Variants in TMEM156 observed in about 807,000 individuals in gnomAD.
TMEM156 encodes transmembrane protein 156.
In TMEM156, 28 loss-of-function variants were observed where a neutral mutation model predicts 30.5. The ratio of observed to expected loss-of-function variants is 0.92; its 90% confidence interval spans 0.68 to 1.26. The LOEUF (loss-of-function observed/expected upper bound fraction) is 1.26, where lower values mean the gene tolerates loss of function less well. Ranked by LOEUF, TMEM156 falls within the 50% of genes most tolerant of loss-of-function variation. TMEM156 has a pLI of 0.00. For missense variants in TMEM156, 351 were observed against 340.6 expected, an observed-to-expected ratio of 1.03 and a Z score of -0.24; for synonymous variants, 137 against 119.9, an observed-to-expected ratio of 1.14 and a Z score of -0.93.
chr4:38,993,770 T>G lies in TMEM156; in HGVS notation c.587A>C (p.His196Pro), dbSNP rs775779853. ...RIMEYPNDCI[H>P]ISLHLEMDIK... ...ATCCATCTCTAGGTGCAAAGAAATG[T>G]GTATACAATCATTCGGGTATTCCAT... Residue 196 changes from histidine (H) to proline (P), a missense_variant, in exon 3 of 7, where the codon CAC becomes CCC. Transcript: ENST00000381938. 64 of 1,613,288 alleles carry G rather than the reference T, an allele frequency of 4.0e-5. No homozygotes were observed. The highest frequency in any genetic ancestry group is 5.3e-5 in the Non-Finnish European group (62 of 1,179,378).
chr4:38,990,364 G>A (rs760105008), intron 3 of TMEM156, among the ~76,000 whole-genome samples: 2 of 152,142 alleles, frequency 1.3e-5, no homozygotes, highest in Non-Finnish European at 2.9e-5. Context: ...ACTATTCCAC[G>A]CTCTTCAGCT....
At chr4:39,003,403 C>T (rs1357844177) in intron 1 of TMEM156, among the ~76,000 whole-genome samples, 4 of 151,996 alleles carry the variant, frequency 2.6e-5, no homozygotes, top group Non-Finnish European at 5.9e-5. Context: ...GGCATGATCT[C>T]GGCTCACTGC....
At chr4:38,978,521 C>T (rs13149047) in intron 5 of TMEM156, among the ~76,000 whole-genome samples, 26,487 of 152,032 alleles carry the variant, frequency 0.17, 3,733 homozygotes, top group East Asian at 0.36. Flanking sequence ...TGCCTCATTT[C>T]GCTCAGCAAC....
At chr4:39,012,613 C>A (rs947607843) in intron 1 of TMEM156, among the ~76,000 whole-genome samples, 1 of 152,166 alleles carries the variant, frequency 6.6e-6, no homozygotes. Context: ...CGAGACCAGC[C>A]TGGCCAACAT....
At chr4:39,009,649 T>C (rs936833865) in intron 1 of TMEM156, among the ~76,000 whole-genome samples, 4 of 152,052 alleles carry the variant, frequency 2.6e-5, no homozygotes, top group Non-Finnish European at 5.9e-5. Flanking sequence ...ACAAAAACCG[T>C]ATGATCATCT....
rs183231709 is a variant in TMEM156, at chr4:39,015,346, T to C, written c.89-16437A>G. ...AAAATGAAGAAATTATCCTGGATTA[T>C]CTGGGTGGATCCAGTGTAATCATGA... On this transcript the variant is annotated intron_variant, in intron 1 of 6. Coordinates refer to ENST00000381938, the MANE Select transcript of TMEM156 (RefSeq NM_024943.3). Among the ~76,000 whole-genome samples, 1,332 of 152,364 alleles carry C rather than the reference T, an allele frequency of 8.7e-3. 14 individuals carry two copies. Among genetic ancestry groups the C allele is most frequent in the Non-Finnish European group, 0.015 (1,036 of 68,028 alleles).
At chr4:38,967,713 T>C (rs1722411303) in intron 6 of TMEM156, 72 bp from the exon 7 acceptor site, 1 of 152,244 alleles carries the variant, frequency 6.6e-6, no homozygotes, top group African/African-American at 2.4e-5. Flanking sequence ...TGAATTAGAA[T>C]GGGCAGAAAA....
At chr4:38,985,139 C>T (rs1248909063) in intron 5 of TMEM156, among the ~76,000 whole-genome samples, 1 of 152,158 alleles carries the variant, frequency 6.6e-6, no homozygotes, top group Non-Finnish European at 1.5e-5. Context: ...GACACATGTA[C>T]TGAGTAAGAG....
intron 5 of TMEM156, 28 bp from the exon 6 acceptor site, chr4:38,971,165 C>T: frequency 6.2e-7 from 1 of 1,605,816 alleles, no homozygotes; most frequent in South Asian, 1.1e-5. Flanking sequence ...CTGTTTTAGT[C>T]TATATGTAGT....
intron 5 of TMEM156, among the ~76,000 whole-genome samples, chr4:38,984,412 A>T (rs574707997): frequency 6.6e-6 from 1 of 150,776 alleles, no homozygotes; most frequent in South Asian, 2.1e-4. Flanking sequence ...TAAATGCATG[A>T]ACAAATGGAG....
intron 1 of TMEM156, among the ~76,000 whole-genome samples, chr4:39,011,807 C>T (rs960218548): frequency 2.6e-5 from 4 of 151,880 alleles, no homozygotes; most frequent in East Asian, 1.9e-4. Context: ...AAATATGGTA[C>T]GTATACACCA....
chr4:39,011,277 G>A (rs66739584), intron 1 of TMEM156, among the ~76,000 whole-genome samples: 14,110 of 152,194 alleles, frequency 0.093, 756 homozygotes, highest in Admixed American at 0.16. Context: ...GCAAAGAAAA[G>A]GAAGTTTATA....
At chr4:38,974,492 T>C (rs1447023479) in intron 5 of TMEM156, among the ~76,000 whole-genome samples, 8 of 152,182 alleles carry the variant, frequency 5.3e-5, no homozygotes, top group Non-Finnish European at 8.8e-5. Context: ...AATACCTATG[T>C]CTTAGAGATT....
At chr4:39,016,111 C>T (rs1487089377) in intron 1 of TMEM156, among the ~76,000 whole-genome samples, 3 of 152,114 alleles carry the variant, frequency 2.0e-5, no homozygotes, top group African/African-American at 7.2e-5. Context: ...TGTGGTGGCT[C>T]ACGCCTGTAA....
intron 3 of TMEM156, among the ~76,000 whole-genome samples, chr4:38,993,074 TAAAAG>T (rs989360523): frequency 6.6e-6 from 1 of 151,804 alleles, no homozygotes; most frequent in Non-Finnish European, 1.5e-5. Context: ...ATTCATATTT[TAAAAG>T]AAATGCCTCC....
rs114192061 is a variant in TMEM156 at position 38,994,852 on chromosome 4, C to G, written c.359-854G>C. ...AGGTGTAGCTACTTGGCAGGAGACT[C>G]GTTTGAACCTGGGAGGCAGACGTTG... On this transcript the variant is annotated intron_variant, in intron 2 of 6. Coordinates refer to ENST00000381938, the MANE Select transcript of TMEM156 (RefSeq NM_024943.3). 8.2e-3 allele frequency among the ~76,000 whole-genome samples: 1,246 copies of G among 151,964 alleles called. 26 individuals carry two copies. The highest frequency in any genetic ancestry group is 0.027 in the African/African-American group (1,135 of 41,440).
At chr4:38,978,844 A>G (rs2109883390) in intron 5 of TMEM156, among the ~76,000 whole-genome samples, 1 of 152,196 alleles carries the variant, frequency 6.6e-6, no homozygotes, top group East Asian at 1.9e-4. Flanking sequence ...GTGCAGAGGC[A>G]CAATCACATC....
At chr4:38,978,325 T>C (rs979628498) in intron 5 of TMEM156, among the ~76,000 whole-genome samples, 1 of 152,244 alleles carries the variant, frequency 6.6e-6, no homozygotes, top group Non-Finnish European at 1.5e-5. Flanking sequence ...TCTGTCCCTC[T>C]GTGCCCTCCA....
Position 38,998,722 on chromosome 4 carries a change from A to C in TMEM156, c.276T>G (p.Gly92=). The C allele has an allele frequency of 6.2e-7, 1 of 1,613,836 alleles. No individual in the cohort carries two copies. The highest frequency in any genetic ancestry group is 8.5e-7 in the Non-Finnish European group (1 of 1,179,926). The change falls in exon 2 of 7, where the codon GGT becomes GGG. Residue 92 remains glycine (G), a synonymous_variant. Transcript: ENST00000381938. ...NFTRTCQDIT[G]EFKMCSSCLV... ...AACACGAGGAGCACATTTTAAATTC[A>C]CCTGTGATGTCTTGGCAAGTCCTGG...
Sources: allele counts gnomAD v4.1 joint callset (sites outside exome capture counted in the v4.1 genomes callset), GRCh38; gene constraint gnomAD v4.1.1; transcripts MANE v1.5; gene names NCBI Gene and HGNC (gene_info 2026-07-23, HGNC 2026-07-21).